CBLN1: variants seen among roughly 807,000 people sequenced by gnomAD.
The protein encoded by CBLN1 is cerebellin 1 precursor.
A neutral mutation model predicts 15.9 loss-of-function variants in CBLN1; 5 were observed. The observed-to-expected ratio is 0.31, with a 90% CI of 0.16 to 0.66. The LOEUF (loss-of-function observed/expected upper bound fraction) is 0.66. Among genes scored for constraint, CBLN1 ranks in the 30% least tolerant of loss-of-function variants. CBLN1 has a pLI of 0.75. For missense variants in CBLN1, 164 were observed against 253.7 expected (o/e 0.65, Z 2.40); for synonymous variants, 90 against 107.6 (o/e 0.84, Z 1.01).
Position 49,279,090 on chromosome 16 carries a change from G to T in CBLN1, c.*314C>A, listed in dbSNP as rs1963230012. The T allele has an allele frequency of 8.0e-6, 3 of 374,154 alleles. No homozygotes were observed. Among genetic ancestry groups the T allele is most frequent in the South Asian group, 4.0e-5 (1 of 25,144 alleles). 23.2% of individuals were successfully genotyped at this position (374,154 alleles called of 1,614,324 possible). On this transcript the variant is annotated 3_prime_UTR_variant, in exon 3 of 3. Coordinates refer to ENST00000219197, the MANE Select transcript of CBLN1 (RefSeq NM_004352.4). The stretch of plus-strand genomic sequence containing the variant: ...AATACAAAGTTTCTTTAAATAAATT[G>T]CAGGGAACATGAAGTTGGGGGATAA...
At chr16:49,280,764 T>C (rs1168298353) in intron 2 of CBLN1, among the ~76,000 whole-genome samples, 159 bp downstream of exon 2, 1 of 152,066 alleles carries the variant, frequency 6.6e-6, no homozygotes, top group Non-Finnish European at 1.5e-5. Flanking sequence ...CAGAGGACAG[T>C]TGAAGCCACA....
In CBLN1 at chr16:49,279,512, T is replaced by C; in HGVS notation, c.474A>G (p.Leu158=). Reference sequence around the variant, plus strand: ...CTCGGTCGCCTTTCTCCATTTGGATTAGGACTCCGTTGCTGGCGGCCTCCC... The same window carrying C: ...CTCGGTCGCCTTTCTCCATTTGGATCAGGACTCCGTTGCTGGCGGCCTCCC... The part of the protein sequence containing the change: ...VTREAASNGV[L]IQMEKGDRAY... The change falls in exon 3 of 3, where the codon CTA becomes CTG. Residue 158 remains leucine, a synonymous_variant. Transcript: ENST00000219197. 6.2e-7 allele frequency: 1 copy of C among 1,614,188 alleles called. No individual in the cohort carries two copies. Among genetic ancestry groups the C allele is most frequent in the African/African-American group, 1.3e-5 (1 of 75,042 alleles).
intron 1 of CBLN1, 34 bp from the exon 2 acceptor site, chr16:49,281,076 G>C: frequency 1.9e-6 from 3 of 1,614,244 alleles, no homozygotes; most frequent in African/African-American, 1.3e-5. Context: ...GGAGTGGGCA[G>C]GAATCGGTCC....
Position 49,281,776 on chromosome 16 carries a change from T to TGCC in CBLN1, c.-314_-312dup, listed in dbSNP as rs889605181. On this transcript the variant is annotated 5_prime_UTR_variant, in exon 1 of 3. Coordinates refer to ENST00000219197, the MANE Select transcript of CBLN1 (RefSeq NM_004352.4). ...GCCGCCTCCTGCCCGCACCCGCCGC[T>TGCC]GCCGCCGCCGCCGCCGCTCTGAATT... 2.8e-4 allele frequency: 72 copies of TGCC among 258,114 alleles called. No individual in the cohort carries two copies. The highest frequency in any genetic ancestry group is 1.3e-3 in the African/African-American group (56 of 43,188). 16.0% of individuals were successfully genotyped at this position (258,114 alleles called of 1,614,324 possible).
At position 49,281,403 on chromosome 16, in the gene CBLN1, C is replaced by A; in HGVS notation, c.63G>T (p.Gly21=). 6.2e-7 allele frequency: 1 copy of A among 1,601,970 alleles called. No individual in the cohort carries two copies. Residue 21 remains glycine (G), a synonymous_variant, in exon 1 of 3, where the codon GGG becomes GGT. Coordinates refer to ENST00000219197, the MANE Select transcript of CBLN1 (RefSeq NM_004352.4). ...GCACGATGGGCTCCGTCTCATTCTG[C>A]CCGCGGGCCGGGCCCGCCAGCCACG... ...GAAWLAGPAR[G]QNETEPIVLE... is the part of the protein sequence containing the mutation.
At position 49,279,297 on chromosome 16, in the gene CBLN1, A is replaced by G. The variant is rs1445745291; in HGVS notation, c.*107T>C. Reference sequence around the variant, plus strand: ...ACCCAGATACAGTTAGAGAACATGTAGGAAGTTTCAAGTCGTGCTGCTTTC... The same window carrying G: ...ACCCAGATACAGTTAGAGAACATGTGGGAAGTTTCAAGTCGTGCTGCTTTC... On this transcript the variant is annotated 3_prime_UTR_variant, in exon 3 of 3. Transcript: ENST00000219197. 5.1e-6 allele frequency: 5 copies of G among 985,348 alleles called. No individual in the cohort carries two copies. The highest frequency in any genetic ancestry group is 7.8e-6 in the Non-Finnish European group (5 of 637,860). 61.0% of individuals were successfully genotyped at this position (985,348 alleles called of 1,614,324 possible). A position where few individuals can be genotyped will look rare whatever the true frequency, so the allele number is the denominator to read the frequency against.
rs577885911 is a variant in CBLN1 at position 49,279,669 on chromosome 16, C to A, written c.385-68G>T. 15 of 1,460,730 alleles carry A rather than the reference C, an allele frequency of 1.0e-5. No homozygotes were observed. In the South Asian group the frequency reaches 1.8e-4, roughly 17 times the overall value. The allele number at this position is 1,460,730 out of a possible 1,614,324, so 90.5% of individuals were successfully genotyped here. ...GGCACCGAAGCCGCGGTGGAGCGAA[C>A]CTCCTCCTTGCTTGGCTAACAGCCT... On this transcript the variant is annotated intron_variant, in intron 2 of 2. Coordinates refer to ENST00000219197, the MANE Select transcript of CBLN1 (RefSeq NM_004352.4).
At position 49,281,642 on chromosome 16, in the gene CBLN1, G is replaced by A. The variant is rs1963304849; in HGVS notation, c.-177C>T. The A allele has an allele frequency of 4.8e-6, 2 of 419,360 alleles. No individual in the cohort carries two copies. The highest frequency in any genetic ancestry group is 8.1e-6 in the Non-Finnish European group (2 of 246,656). The allele number at this position is 419,360 out of a possible 1,614,324, so 26.0% of individuals were successfully genotyped here. On this transcript the variant is annotated 5_prime_UTR_variant, in exon 1 of 3. Coordinates refer to ENST00000219197, the MANE Select transcript of CBLN1 (RefSeq NM_004352.4). ...GGGACTAGCGTCCCCTCCGCGACTA[G>A]CGTCCCCTCCGCGCTGTGTTCCCGG...
rs758640384 is a variant in CBLN1 at position 49,279,580 on chromosome 16, A to G, written c.406T>C (p.Trp136Arg). The change falls in exon 3 of 3, where the codon TGG (tryptophan) becomes CGG (arginine). Residue 136 changes from tryptophan to arginine, a missense_variant. Trp to Arg is a moderately radical substitution (Grantham distance 101, BLOSUM62 -3). Coordinates refer to ENST00000219197, the MANE Select transcript of CBLN1 (RefSeq NM_004352.4). ...TIQVSLMLNGWPVISAFAGDQ... is the reference protein window; with the variant it reads ...TIQVSLMLNGRPVISAFAGDQ... Reference sequence around the variant, plus strand: ...CCAGCGAAGGCTGAAATCACCGGCCACCCGTTTAGCATGAGGCTCACCTGA... The same window carrying G: ...CCAGCGAAGGCTGAAATCACCGGCCGCCCGTTTAGCATGAGGCTCACCTGA... 1 of 1,614,122 alleles carries G rather than the reference A, an allele frequency of 6.2e-7. No homozygotes were observed. Among genetic ancestry groups the G allele is most frequent in the Non-Finnish European group, 8.5e-7 (1 of 1,180,022 alleles).
intron 2 of CBLN1, among the ~76,000 whole-genome samples, chr16:49,280,399 A>T (rs1314619417): frequency 1.3e-5 from 2 of 151,076 alleles, no homozygotes; most frequent in Non-Finnish European, 2.9e-5. Flanking sequence ...TCCTCTCTCT[A>T]CCCCTCACCC....
rs111507068 is a variant in CBLN1 at position 49,279,726 on chromosome 16, T to TGGG, written c.385-128_385-126dup. On this transcript the variant is annotated intron_variant, in intron 2 of 2. Transcript: ENST00000219197. ...CCTGGAAGCACGGAGAGGTGGGGGGTGGGGGGGGCGAATGGAGGAAAAGGG... is the reference window on the plus strand; with the variant it reads ...CCTGGAAGCACGGAGAGGTGGGGGGTGGGGGGGGGGGCGAATGGAGGAAAAGGG... 2.7e-5 allele frequency: 6 copies of TGGG among 222,074 alleles called. No individual in the cohort carries two copies. The East Asian group carries it at 3.6e-4, about 13-fold the overall frequency. The allele number at this position is 222,074 out of a possible 1,614,324, so 13.8% of individuals were successfully genotyped here. A position where few individuals can be genotyped will look rare whatever the true frequency, so the allele number is the denominator to read the frequency against.
chr16:49,281,217 G>C lies in CBLN1; in HGVS notation c.249C>G (p.Ile83Met). 1 of 1,614,164 alleles carries C rather than the reference G, an allele frequency of 6.2e-7. No homozygotes were observed. Among genetic ancestry groups the C allele is most frequent in the Non-Finnish European group, 8.5e-7 (1 of 1,180,040 alleles). Residue 83 changes from isoleucine (I) to methionine (M), a missense_variant, in exon 1 of 3, where the codon ATC (isoleucine) becomes ATG (methionine). Around this residue, in one of 3 missense-constraint regions of CBLN1, gnomAD observed 127 missense variants for 179.7 expected, o/e 0.71. Coordinates refer to ENST00000219197, the MANE Select transcript of CBLN1 (RefSeq NM_004352.4). ...EPSEMSNRTM[I>M]IYFDQVLVNI... ...GAACACTCACCTGGTCGAAGTAGATGATCATGGTGCGATTACTCATCTCGG... is the reference window on the plus strand; with the variant it reads ...GAACACTCACCTGGTCGAAGTAGATCATCATGGTGCGATTACTCATCTCGG...
At chr16:49,280,517 C>A (rs1022835862) in intron 2 of CBLN1, among the ~76,000 whole-genome samples, 2 of 152,212 alleles carry the variant, frequency 1.3e-5, no homozygotes, top group African/African-American at 2.4e-5. Flanking sequence ...AAGACAAGCA[C>A]GCAAGCCGCA....
rs1963311405 is a variant in CBLN1, at chr16:49,281,754, G to T, written c.-289C>A. ...GCTGCTCGGTCCCGCTGCTGCCGCC[G>T]CCTCCTGCCCGCACCCGCCGCTGCC... On this transcript the variant is annotated 5_prime_UTR_variant, in exon 1 of 3. Coordinates refer to ENST00000219197, the MANE Select transcript of CBLN1 (RefSeq NM_004352.4). The T allele has an allele frequency of 3.0e-6, 1 of 329,930 alleles. No homozygotes were observed. The highest frequency in any genetic ancestry group is 5.5e-6 in the Non-Finnish European group (1 of 183,168). 20.4% of individuals were successfully genotyped at this position (329,930 alleles called of 1,614,324 possible).
Position 49,278,783 on chromosome 16 carries a change from A to AT in CBLN1, c.*620dup, listed in dbSNP as rs1197852757. ...TCGTATACAAATGATATATATTTAT[A>AT]TTTTTTAAACCAGTCACCACTAAGG... On this transcript the variant is annotated 3_prime_UTR_variant, in exon 3 of 3. Transcript: ENST00000219197. 2 of 152,266 alleles carry AT rather than the reference A, an allele frequency of 1.3e-5. No individual in the cohort carries two copies. Among genetic ancestry groups the AT allele is most frequent in the African/African-American group, 4.8e-5 (2 of 41,450 alleles). 9.4% of individuals were successfully genotyped at this position (152,266 alleles called of 1,614,324 possible).
At chr16:49,281,071 G>C (rs1201689362) in intron 1 of CBLN1, 29 bp from the exon 2 acceptor site, 1 of 1,614,110 alleles carries the variant, frequency 6.2e-7, no homozygotes, top group Non-Finnish European at 8.5e-7. Flanking sequence ...GAAGGGGAGT[G>C]GGCAGGAATC....
rs761647796 is a variant in CBLN1, at chr16:49,279,434, G to C, written c.552C>G (p.Thr184=). 2.5e-6 allele frequency: 4 copies of C among 1,614,108 alleles called. No individual in the cohort carries two copies. In the East Asian group the frequency reaches 6.7e-5, roughly 27 times the overall value. The part of the protein sequence containing the change: ...GNLMGGWKYS[T]FSGFLVFPL Reference sequence around the variant, plus strand: ...GAGGAAACACCAGGAATCCGGAGAAGGTCGAGTACTTCCAGCCCCCCATCA... The same window carrying C: ...GAGGAAACACCAGGAATCCGGAGAACGTCGAGTACTTCCAGCCCCCCATCA... Residue 184 remains threonine, a synonymous_variant, in exon 3 of 3, where the codon ACC becomes ACG. Coordinates refer to ENST00000219197, the MANE Select transcript of CBLN1 (RefSeq NM_004352.4).
chr16:49,279,376 C>G lies in CBLN1; in HGVS notation c.*28G>C. ...ACTCCCCTTCCTGCCTTCGCCCTCT[C>G]CCTGCCTCCCTTCCGGCTACGAGCC... On this transcript the variant is annotated 3_prime_UTR_variant, in exon 3 of 3. Transcript: ENST00000219197. 1 of 1,610,496 alleles carries G rather than the reference C, an allele frequency of 6.2e-7. No individual in the cohort carries two copies. Among genetic ancestry groups the G allele is most frequent in the Non-Finnish European group, 8.5e-7 (1 of 1,176,674 alleles).
At chr16:49,279,976 A>C (rs1293150607) in intron 2 of CBLN1, among the ~76,000 whole-genome samples, 2 of 152,000 alleles carry the variant, frequency 1.3e-5, no homozygotes, top group African/African-American at 4.8e-5. Flanking sequence ...GCCTCAAAAA[A>C]CAAACAACAA....
Sources: gnomAD v4.1 joint callset for allele counts (sites outside exome capture counted in the v4.1 genomes callset) on GRCh38, gnomAD v4.1.1 for gene constraint, gnomAD v4.1.1 regional missense constraint, MANE v1.5 for transcripts, NCBI Gene and HGNC (gene_info 2026-07-23, HGNC 2026-07-21) for gene names.